Variants in HECW2 observed in about 807,000 individuals in gnomAD.
The protein encoded by HECW2 is E3 ubiquitin-protein ligase HECW2.
A neutral mutation model predicts 175.2 loss-of-function variants in HECW2; 61 were observed. That is an observed-to-expected ratio of 0.35 (90% CI 0.28 to 0.43). The LOEUF (loss-of-function observed/expected upper bound fraction) is 0.43. HECW2 is among the 20% of genes least tolerant of loss of function. HECW2 has a pLI of 1.00. For missense variants in HECW2, 1,524 were observed against 2,000.5 expected, an observed-to-expected ratio of 0.76 and a Z score of 4.54; for synonymous variants, 671 against 731.0, an observed-to-expected ratio of 0.92 and a Z score of 1.32.
chr2:196,476,211 A>G (rs1009039401), intron 1 of HECW2, among the ~76,000 whole-genome samples: 2 of 152,072 alleles, frequency 1.3e-5, no homozygotes, highest in Non-Finnish European at 2.9e-5. Context: ...TGGGAGGCCT[A>G]GGTGGGCAGA....
chr2:196,420,444 A>T (rs1044833046), intron 2 of HECW2, among the ~76,000 whole-genome samples: 1 of 152,264 alleles, frequency 6.6e-6, no homozygotes, highest in Non-Finnish European at 1.5e-5. Flanking sequence ...ACAAATAATG[A>T]TAAAAATAGC....
chr2:196,361,137 G>A (rs1232569439), intron 2 of HECW2, among the ~76,000 whole-genome samples: 3 of 152,104 alleles, frequency 2.0e-5, no homozygotes, highest in Admixed American at 2.0e-4. Context: ...ATTTTGCCCT[G>A]GAGTTGTTCC....
intron 2 of HECW2, among the ~76,000 whole-genome samples, chr2:196,366,848 T>C (rs1463918770): frequency 6.6e-6 from 1 of 152,204 alleles, no homozygotes; most frequent in African/African-American, 2.4e-5. Context: ...TAATGGGTTC[T>C]TCAGCTATGT....
intron 1 of HECW2, among the ~76,000 whole-genome samples, chr2:196,493,800 G>C (rs1318886664): frequency 6.6e-6 from 1 of 152,142 alleles, no homozygotes. Context: ...TCCTAAATTT[G>C]GGGGAGGAGG....
In HECW2 at chr2:196,418,418, G is replaced by A. The variant is rs190274058; in HGVS notation, c.292+14714C>T. On this transcript the variant is annotated intron_variant, in intron 2 of 28. Transcript: ENST00000644978. The stretch of plus-strand genomic sequence containing the variant: ...GCTGTGATTACAGGCGTGAGCCACC[G>A]TGCCCGGCCAGATGATCACTTCTTG... 4.2e-3 allele frequency among the ~76,000 whole-genome samples: 637 copies of A among 152,190 alleles called. 3 individuals carry two copies. The highest frequency in any genetic ancestry group is 5.9e-3 in the Non-Finnish European group (404 of 67,998).
At chr2:196,511,174 C>G (rs1687940930) in intron 1 of HECW2, among the ~76,000 whole-genome samples, 1 of 152,118 alleles carries the variant, frequency 6.6e-6, no homozygotes, top group Non-Finnish European at 1.5e-5. Context: ...CCATGTGGGC[C>G]AGGCCAGGCT....
intron 27 of HECW2, 75 bp from the exon 28 acceptor site, chr2:196,216,052 G>A (rs561965418): frequency 2.3e-5 from 23 of 981,368 alleles, no homozygotes; most frequent in Non-Finnish European, 3.6e-5. Context: ...CGTCATTCAC[G>A]GGCAGAGCTC....
chr2:196,539,634 C>CAAAAAG (rs989206104), intron 1 of HECW2, among the ~76,000 whole-genome samples: 3 of 151,832 alleles, frequency 2.0e-5, no homozygotes, highest in African/African-American at 4.8e-5. Flanking sequence ...GACTCCTTCT[C>CAAAAAG]AAAAAGAAAA....
chr2:196,388,307 A>T (rs1335873137), intron 2 of HECW2, among the ~76,000 whole-genome samples: 8 of 152,080 alleles, frequency 5.3e-5, no homozygotes, highest in Non-Finnish European at 1.5e-5. Context: ...AAAAATTACA[A>T]TTTTCTTATT....
intron 2 of HECW2, among the ~76,000 whole-genome samples, chr2:196,372,083 C>T (rs1693924173): frequency 6.6e-6 from 1 of 152,148 alleles, no homozygotes; most frequent in Non-Finnish European, 1.5e-5. Context: ...TATCTGTACC[C>T]TATCTGTGCA....
intron 2 of HECW2, among the ~76,000 whole-genome samples, chr2:196,386,521 G>C (rs1694355623): frequency 6.6e-6 from 1 of 152,196 alleles, no homozygotes; most frequent in Admixed American, 6.5e-5. Context: ...CCACCTGTTT[G>C]AATTAGCTTT....
At chr2:196,258,890 T>C (rs1178460156) in intron 17 of HECW2, among the ~76,000 whole-genome samples, 1 of 152,242 alleles carries the variant, frequency 6.6e-6, no homozygotes, top group Non-Finnish European at 1.5e-5. Flanking sequence ...TACCAATCAC[T>C]GATACAAGTA....
intron 28 of HECW2, among the ~76,000 whole-genome samples, chr2:196,209,072 C>G (rs1265559210): frequency 1.3e-5 from 2 of 152,162 alleles, no homozygotes; most frequent in Admixed American, 6.5e-5. Context: ...GGTTTTTGCT[C>G]TTGAGGCCAA....
At chr2:196,425,031 G>A (rs571264485) in intron 2 of HECW2, among the ~76,000 whole-genome samples, 1 of 152,146 alleles carries the variant, frequency 6.6e-6, no homozygotes, top group East Asian at 1.9e-4. Context: ...GTGACTTTAA[G>A]TTGAAGCCAA....
At chr2:196,484,913 G>A (rs1014687261) in intron 1 of HECW2, among the ~76,000 whole-genome samples, 4 of 152,196 alleles carry the variant, frequency 2.6e-5, no homozygotes, top group African/African-American at 9.7e-5. Flanking sequence ...CCCTCCGGCT[G>A]TACTTTGGGT....
At chr2:196,292,822 G>A (rs112251252) in intron 13 of HECW2, 72 bp from the exon 14 acceptor site, 34 of 1,172,324 alleles carry the variant, frequency 2.9e-5, no homozygotes, top group Middle Eastern at 4.0e-4. Context: ...ACTACACATG[G>A]GTATGGCTAA....
intron 1 of HECW2, among the ~76,000 whole-genome samples, chr2:196,496,742 A>G (rs1687407425): frequency 6.6e-6 from 1 of 152,222 alleles, no homozygotes; most frequent in African/African-American, 2.4e-5. Context: ...ATATAACCTC[A>G]CTGGCCTGTA....
intron 2 of HECW2, among the ~76,000 whole-genome samples, chr2:196,359,064 C>T (rs1223223941): frequency 1.3e-5 from 2 of 152,236 alleles, no homozygotes; most frequent in Non-Finnish European, 2.9e-5. Context: ...ACTTGAGAAT[C>T]TCTACCTTGT....
At chr2:196,580,254 C>T (rs750524113) in intron 1 of HECW2, among the ~76,000 whole-genome samples, 1 of 152,148 alleles carries the variant, frequency 6.6e-6, no homozygotes, top group Non-Finnish European at 1.5e-5. Flanking sequence ...CACTTCTCCT[C>T]ATGGATAAAA....
Sources: allele counts gnomAD v4.1 joint callset (sites outside exome capture counted in the v4.1 genomes callset), GRCh38; gene constraint gnomAD v4.1.1; transcripts MANE v1.5; gene names NCBI Gene and HGNC (gene_info 2026-07-23, HGNC 2026-07-21).